Variants in CHIC2 observed in about 807,000 individuals in gnomAD.
CHIC2 encodes the protein cysteine rich hydrophobic domain 2.
CHIC2 carries 14 observed loss-of-function variants against 25.9 expected under a neutral mutation model. The observed-to-expected ratio is 0.54, with a 90% confidence interval of 0.36 to 0.85. CHIC2 has a LOEUF of 0.85. Among genes scored for constraint, CHIC2 ranks in the 40% least tolerant of loss-of-function variants. The probability of loss-of-function intolerance (pLI) is 0.01; values close to 1 mark genes in which losing one functional copy is unlikely to be tolerated. For synonymous variants in CHIC2, 70 were observed against 72.0 expected, an observed-to-expected ratio of 0.97 and a Z score of 0.14; for missense variants, 146 against 202.0, an observed-to-expected ratio of 0.72 and a Z score of 1.68.
chr4:54,066,301 C>G (rs566437702), upstream of CHIC2, among the ~76,000 whole-genome samples: 1 of 152,210 alleles, frequency 6.6e-6, no homozygotes, highest in Non-Finnish European at 1.5e-5. Context: ...GGTGAAGTGC[C>G]TAGAAGAAGG....
At chr4:54,087,089 A>G in the CHIC2 span, 54 of 1,020,252 alleles carry the variant, frequency 5.3e-5, no homozygotes, top group African/African-American at 8.2e-4. Flanking sequence ...CTCTCTCAGG[A>G]AGATGTGGGG....
intron 3 of CHIC2, among the ~76,000 whole-genome samples, chr4:54,048,394 A>G (rs1159303633): frequency 1.3e-5 from 2 of 152,230 alleles, no homozygotes; most frequent in Non-Finnish European, 1.5e-5. Context: ...AAATATAAAA[A>G]GCAGAAAAGA....
rs1577991625 is a variant in CHIC2, at chr4:54,064,104, G to A, written c.119+78C>T. ...AGGCCCCCGACACCAGACGGACACAGGGGAAACGGGGCTCCCGTGGAGTAA... is the reference window on the plus strand; with the variant it reads ...AGGCCCCCGACACCAGACGGACACAAGGGAAACGGGGCTCCCGTGGAGTAA... On this transcript the variant is annotated intron_variant, in intron 1 of 5. Transcript: ENST00000263921. This position sits in a 1 kb window ranked among gnomAD's most constrained non-coding sequence, Gnocchi z 4.2. 4 of 510,082 alleles carry A rather than the reference G, an allele frequency of 7.8e-6. No individual in the cohort carries two copies. Among genetic ancestry groups the A allele is most frequent in the East Asian group, 2.5e-4 (1 of 3,938 alleles). 31.6% of individuals were successfully genotyped at this position (510,082 alleles called of 1,614,324 possible).
intron 5 of CHIC2, among the ~76,000 whole-genome samples, chr4:54,011,808 G>A (rs1035245953): frequency 6.6e-6 from 1 of 151,676 alleles, no homozygotes; most frequent in African/African-American, 2.4e-5. Flanking sequence ...ACAAAGAAAA[G>A]TTAGTGCCAA....
In CHIC2 at chr4:54,044,704, T is replaced by C. The variant is rs539679441; in HGVS notation, c.330+4251A>G. Among the ~76,000 whole-genome samples the C allele has an allele frequency of 3.9e-5, 6 of 152,166 alleles. No homozygotes were observed. In the South Asian group the frequency reaches 1.0e-3, roughly 26 times the overall value. On this transcript the variant is annotated intron_variant, in intron 3 of 5. Coordinates refer to ENST00000263921, the MANE Select transcript of CHIC2 (RefSeq NM_012110.4). ...CCCACAAGAGAAAGCAGGAAAGATC[T>C]AAAATTGACACCCTAACATCACAAT...
At chr4:54,026,330 G>A (rs1373846823) in intron 3 of CHIC2, among the ~76,000 whole-genome samples, 3 of 152,006 alleles carry the variant, frequency 2.0e-5, no homozygotes, top group Non-Finnish European at 2.9e-5. Flanking sequence ...GACCAGCCTG[G>A]CCAACATGGT....
chr4:54,051,060 C>G (rs1716994858), intron 1 of CHIC2, among the ~76,000 whole-genome samples: 1 of 152,090 alleles, frequency 6.6e-6, no homozygotes, highest in African/African-American at 2.4e-5. Context: ...GACTGTATCA[C>G]CTCTGAAATT....
chr4:54,011,925 G>A (rs1010962806), intron 5 of CHIC2, among the ~76,000 whole-genome samples: 3 of 151,880 alleles, frequency 2.0e-5, no homozygotes, highest in Admixed American at 6.6e-5. Flanking sequence ...TTAAAGAAAA[G>A]TTGAAGAAAA....
intron 5 of CHIC2, among the ~76,000 whole-genome samples, chr4:54,010,696 C>T (rs923810169): frequency 1.7e-4 from 26 of 152,016 alleles, no homozygotes; most frequent in Non-Finnish European, 2.9e-4. Flanking sequence ...CAAAGCCTTG[C>T]CCTTTATACC....
Position 54,009,963 on chromosome 4 carries a change from AACAAAAACAAAAAC to A in CHIC2, c.*118_*131del. 1 of 445,116 alleles carries A rather than the reference AACAAAAACAAAAAC, an allele frequency of 2.2e-6. No individual in the cohort carries two copies. The highest frequency in any genetic ancestry group is 4.0e-6 in the Non-Finnish European group (1 of 246,962). 27.6% of individuals were successfully genotyped at this position (445,116 alleles called of 1,614,324 possible). A position where few individuals can be genotyped will look rare whatever the true frequency, so the allele number is the denominator to read the frequency against. On this transcript the variant is annotated 3_prime_UTR_variant, in exon 6 of 6. Coordinates refer to ENST00000263921, the MANE Select transcript of CHIC2 (RefSeq NM_012110.4). ...AGAACATGCGGTTATTTAAAAAAAA[AACAAAAACAAAAAC>A]AAAAAAAACACCACACGATTCTGTA...
chr4:54,070,057 T>C, the CHIC2 span, among the ~76,000 whole-genome samples: 1 of 152,222 alleles, frequency 6.6e-6, no homozygotes, highest in Non-Finnish European at 1.5e-5. Flanking sequence ...AATCAGGATT[T>C]ATTCTCTGGG....
the CHIC2 span, among the ~76,000 whole-genome samples, chr4:54,070,686 G>A: frequency 1.3e-5 from 2 of 152,182 alleles, no homozygotes; most frequent in Non-Finnish European, 1.5e-5. Context: ...GCCTCCCAAA[G>A]TGCTGAGGTT....
At chr4:54,062,571 T>A (rs1245285818) in intron 1 of CHIC2, among the ~76,000 whole-genome samples, 1 of 152,194 alleles carries the variant, frequency 6.6e-6, no homozygotes, top group Non-Finnish European at 1.5e-5. Flanking sequence ...CTGAGCACTT[T>A]GCCCACTATT....
chr4:54,072,011 T>C, the CHIC2 span, among the ~76,000 whole-genome samples: 1 of 146,786 alleles, frequency 6.8e-6, no homozygotes, highest in Non-Finnish European at 1.5e-5. Context: ...GTATCTAATT[T>C]AGGCTGGGTG....
chr4:54,064,752 C>T, upstream of CHIC2: 1 of 662,280 alleles, frequency 1.5e-6, no homozygotes, highest in Non-Finnish European at 1.9e-6. This position sits in a 1 kb window ranked among gnomAD's most constrained non-coding sequence, Gnocchi z 4.2. Flanking sequence ...CGTGCGGCCT[C>T]GCGCGCTCCC....
chr4:54,076,511 T>C, the CHIC2 span: 1 of 152,224 alleles, frequency 6.6e-6, no homozygotes, highest in Non-Finnish European at 1.5e-5. Context: ...GTGGTTATTT[T>C]AAAAGTCTAT....
At chr4:54,046,110 T>G (rs984298459) in intron 3 of CHIC2, among the ~76,000 whole-genome samples, 7 of 152,014 alleles carry the variant, frequency 4.6e-5, no homozygotes, top group African/African-American at 1.7e-4. Context: ...GAAGGACCTC[T>G]TCAAGGAGAA....
chr4:54,079,381 A>G, the CHIC2 span, among the ~76,000 whole-genome samples: 1 of 152,172 alleles, frequency 6.6e-6, no homozygotes, highest in Non-Finnish European at 1.5e-5. Flanking sequence ...TGTGATACCA[A>G]AAGTACAGGC....
rs528308094 is a variant in CHIC2, at chr4:54,056,861, T to C, written c.119+7321A>G. On this transcript the variant is annotated intron_variant, in intron 1 of 5. Coordinates refer to ENST00000263921, the MANE Select transcript of CHIC2 (RefSeq NM_012110.4). Reference sequence around the variant, plus strand: ...TCATGTACTGAGGGCTGTCACATACTACACACCTTACAGCTAAAGGATATC... The same window carrying C: ...TCATGTACTGAGGGCTGTCACATACCACACACCTTACAGCTAAAGGATATC... 8.5e-5 allele frequency among the ~76,000 whole-genome samples: 13 copies of C among 152,286 alleles called. No individual in the cohort carries two copies. The South Asian group carries it at 2.1e-3, about 24-fold the overall frequency.
Sources: gnomAD v4.1 joint callset for allele counts (sites outside exome capture counted in the v4.1 genomes callset) on GRCh38, gnomAD v4.1.1 for gene constraint, Gnocchi (gnomAD v3.1) non-coding constraint, MANE v1.5 for transcripts, NCBI Gene and HGNC (gene_info 2026-07-23, HGNC 2026-07-21) for gene names.